CC2D2A: variants seen among roughly 807,000 people sequenced by gnomAD.
CC2D2A encodes the protein coiled-coil and C2 domain containing 2A.
A neutral mutation model predicts 212.9 loss-of-function variants in CC2D2A; 155 were observed. The observed-to-expected ratio is 0.73, with a 90% CI of 0.64 to 0.83. The LOEUF is 0.83. Ranked by LOEUF, CC2D2A falls within the 40% of genes least tolerant of loss-of-function variation. CC2D2A has a pLI of 0.00. For missense variants in CC2D2A, 1,856 were observed against 1,956.2 expected, an observed-to-expected ratio of 0.95 and a Z score of 0.97; for synonymous variants, 667 against 686.5, an observed-to-expected ratio of 0.97 and a Z score of 0.44.
intron 30 of CC2D2A, among the ~76,000 whole-genome samples, chr4:15,581,853 A>T (rs1227821166): frequency 6.6e-6 from 1 of 152,208 alleles, no homozygotes; most frequent in East Asian, 1.9e-4. Context: ...ATATTCCTAG[A>T]AGAATGCCCT....
chr4:15,474,277 A>C (rs1271046209), intron 1 of CC2D2A, among the ~76,000 whole-genome samples: 1 of 152,240 alleles, frequency 6.6e-6, no homozygotes, highest in Non-Finnish European at 1.5e-5. Flanking sequence ...GGTCACTTTC[A>C]TCACTAAATG....
intron 11 of CC2D2A, among the ~76,000 whole-genome samples, chr4:15,518,993 A>G (rs1032796906): frequency 2.0e-5 from 3 of 152,206 alleles, no homozygotes; most frequent in Admixed American, 2.0e-4. Flanking sequence ...ATTCGGCTCC[A>G]TGTTACTTAT....
chr4:15,527,652 A>C lies in CC2D2A; in HGVS notation c.1355A>C (p.Asp452Ala). Residue 452 changes from aspartate (D) to alanine (A), a missense_variant, in exon 12 of 37, where the codon GAT becomes GCT. Physicochemically the swap from Asp to Ala is moderately radical, Grantham distance 126. Transcript: ENST00000424120. ...AGAAACAAGGCGAAATTTCTTACTG[A>C]TAAGGTACATGTGATTTCTTCCATA... ...HQRNKAKFLT[D>A]KLQALRNAVQ... 4 of 1,600,524 alleles carry C rather than the reference A, an allele frequency of 2.5e-6. No homozygotes were observed. The highest frequency in any genetic ancestry group is 3.4e-6 in the Non-Finnish European group (4 of 1,172,616).
chr4:15,503,713 C>T (rs1716100868), intron 6 of CC2D2A, among the ~76,000 whole-genome samples: 1 of 152,170 alleles, frequency 6.6e-6, no homozygotes, highest in Non-Finnish European at 1.5e-5. Context: ...TAAGGGGAAG[C>T]AGTCTGAATG....
At chr4:15,505,243 C>G (rs1293340574) in intron 6 of CC2D2A, among the ~76,000 whole-genome samples, 1 of 152,204 alleles carries the variant, frequency 6.6e-6, no homozygotes, top group Non-Finnish European at 1.5e-5. Flanking sequence ...TGCTTAATCT[C>G]TTTTGTATTT....
chr4:15,554,573 G>A (rs77000331), intron 19 of CC2D2A, among the ~76,000 whole-genome samples: 6,154 of 152,320 alleles, frequency 0.04, 406 homozygotes, highest in African/African-American at 0.14. Context: ...CTACTTGGGT[G>A]GCTCAGGCAT....
chr4:15,590,997 G>C (rs1721080648), intron 33 of CC2D2A, among the ~76,000 whole-genome samples: 1 of 152,024 alleles, frequency 6.6e-6, no homozygotes, highest in African/African-American at 2.4e-5. Context: ...CAAAGTGCTG[G>C]GATTACAGGC....
Position 15,489,295 on chromosome 4 carries a change from G to A in CC2D2A, c.247+8468G>A, listed in dbSNP as rs1280297110. Among the ~76,000 whole-genome samples the A allele has an allele frequency of 2.0e-5, 3 of 152,242 alleles. No individual in the cohort carries two copies. The East Asian group carries it at 5.8e-4, about 29-fold the overall frequency. On this transcript the variant is annotated intron_variant, in intron 4 of 36. Transcript: ENST00000424120. ...TGGGAGGGGAATGTTATAAAGCACA[G>A]CATGAGACATAGAGGGGAGCTGCCT...
At chr4:15,526,772 A>G (rs1016187189) in intron 11 of CC2D2A, among the ~76,000 whole-genome samples, 42 of 152,176 alleles carry the variant, frequency 2.8e-4, no homozygotes, top group African/African-American at 9.9e-4. Flanking sequence ...ATCAAAGTAA[A>G]TATCTTGAGG....
intron 24 of CC2D2A, among the ~76,000 whole-genome samples, chr4:15,565,206 G>T (rs576090909): frequency 1.3e-5 from 2 of 152,084 alleles, no homozygotes; most frequent in African/African-American, 4.8e-5. Context: ...GAACATATAG[G>T]TGCTTCTTGT....
At chr4:15,586,131 T>G in intron 30 of CC2D2A, 26 bp from the exon 31 acceptor site, 1 of 1,530,620 alleles carries the variant, frequency 6.5e-7, no homozygotes, top group Non-Finnish European at 9.0e-7. Flanking sequence ...TAAATTATTT[T>G]TGTAAAGCTC....
At chr4:15,534,819 G>C (rs1168850139) in intron 14 of CC2D2A, among the ~76,000 whole-genome samples, 1 of 152,058 alleles carries the variant, frequency 6.6e-6, no homozygotes, top group Non-Finnish European at 1.5e-5. Flanking sequence ...TGAGACTAGG[G>C]ACCCTGTTGT....
At chr4:15,534,275 CT>C (rs936669160) in intron 14 of CC2D2A, among the ~76,000 whole-genome samples, 32 of 152,140 alleles carry the variant, frequency 2.1e-4, no homozygotes, top group African/African-American at 7.7e-4. Flanking sequence ...CATTAGTTGT[CT>C]TTTTACTCTC....
chr4:15,492,634 TG>T, intron 4 of CC2D2A: 1 of 513,058 alleles, frequency 1.9e-6, no homozygotes, highest in Non-Finnish European at 3.7e-6. Context: ...CTCAGTGAGG[TG>T]GGGGACTAAG....
intron 9 of CC2D2A, 80 bp downstream of exon 9, chr4:15,514,949 T>G: frequency 7.9e-7 from 1 of 1,260,708 alleles, no homozygotes; most frequent in Non-Finnish European, 1.1e-6. Context: ...TGTATAAGGA[T>G]GCCTCATCTC....
In CC2D2A at chr4:15,502,455, A is replaced by G. The variant is rs886043867; in HGVS notation, c.274A>G (p.Arg92Gly). 90 of 1,607,022 alleles carry G rather than the reference A, an allele frequency of 5.6e-5. No homozygotes were observed. The highest frequency in any genetic ancestry group is 7.5e-5 in the Non-Finnish European group (88 of 1,178,188). The change falls in exon 5 of 37, where the codon AGA (arginine) becomes GGA (glycine). Residue 92 changes from arginine (R) to glycine (G), a missense_variant. Transcript: ENST00000424120. ...CTTACCTCCAATTCCTTCAACTTCC[A>G]GAACAGGCTTTGCAGAATTTTCCAT... ...RSLPPIPSTS[R>G]TGFAEFSMRG...
intron 6 of CC2D2A, among the ~76,000 whole-genome samples, chr4:15,508,473 A>G (rs1282355397): frequency 1.5e-4 from 23 of 152,212 alleles, no homozygotes; most frequent in Non-Finnish European, 1.5e-4. Context: ...AATAATGGCT[A>G]CCATTAATGC....
At chr4:15,586,403 C>T (rs565604618) in intron 31 of CC2D2A, among the ~76,000 whole-genome samples, 157 bp downstream of exon 31, 21 of 152,002 alleles carry the variant, frequency 1.4e-4, no homozygotes, top group Non-Finnish European at 2.6e-4. Context: ...TTTTTTCTTC[C>T]TGGTTCAATT....
chr4:15,582,668 C>A (rs1218528983), intron 30 of CC2D2A, among the ~76,000 whole-genome samples: 1 of 151,976 alleles, frequency 6.6e-6, no homozygotes, highest in East Asian at 1.9e-4. Flanking sequence ...CTGAACAGAA[C>A]AATAACAAGT....
Sources: allele counts gnomAD v4.1 joint callset (sites outside exome capture counted in the v4.1 genomes callset), GRCh38; gene constraint gnomAD v4.1.1; transcripts MANE v1.5; gene names NCBI Gene and HGNC (gene_info 2026-07-23, HGNC 2026-07-21).